Variants in ZNF124 observed in about 807,000 individuals in gnomAD.
ZNF124 encodes the protein zinc finger protein HZF-16.
Under a neutral mutation model 26.6 loss-of-function variants are expected in ZNF124, and 25 were observed. That is an observed-to-expected ratio of 0.94 (90% CI 0.68 to 1.31). ZNF124 has a LOEUF of 1.31. Among genes scored for constraint, ZNF124 ranks in the 40% most tolerant of loss-of-function variants. The probability of loss-of-function intolerance (pLI) is 0.00; values close to 1 mark genes in which losing one functional copy is unlikely to be tolerated. For synonymous variants in ZNF124, 129 were observed against 133.3 expected (o/e 0.97, Z 0.22); for missense variants, 444 against 422.2 (o/e 1.05, Z -0.45).
intron 1 of ZNF124, among the ~76,000 whole-genome samples, chr1:247,170,624 G>A (rs569809780): frequency 7.0e-5 from 10 of 143,852 alleles, no homozygotes; most frequent in East Asian, 6.0e-4. Context: ...CAAGACTCAC[G>A]TCTCCAAAAA....
Position 247,123,748 on chromosome 1 carries a change from G to A in ZNF124, c.*120C>T, listed in dbSNP as rs149705990. On this transcript the variant is annotated 3_prime_UTR_variant, in exon 4 of 4. Coordinates refer to the ZNF124 transcript ENST00000472531. ...AAGGTTTAGAGAAGCTGCTTGATTC[G>A]TGTGGCTTGCAGAGGTGCATGGGCT... The A allele has an allele frequency of 7.9e-3, 5,024 of 639,524 alleles. 31 individuals carry two copies. The highest frequency in any genetic ancestry group is 0.01 in the Non-Finnish European group (3,707 of 353,942). The allele number at this position is 639,524 out of a possible 1,614,324, so 39.6% of individuals were successfully genotyped here.
At chr1:247,145,959 A>G (rs1426916676) in intron 3 of ZNF124, among the ~76,000 whole-genome samples, 1 of 152,196 alleles carries the variant, frequency 6.6e-6, no homozygotes, top group Non-Finnish European at 1.5e-5. Flanking sequence ...ACAGCAGTAA[A>G]TCAGCTGCTG....
chr1:247,149,599 A>G (rs1572073279), intron 3 of ZNF124, among the ~76,000 whole-genome samples: 1 of 152,258 alleles, frequency 6.6e-6, no homozygotes, highest in South Asian at 2.1e-4. Flanking sequence ...GACAAATGTT[A>G]TATGATCTTA....
rs1673106511 is a variant in ZNF124, at chr1:247,155,947, G to A, written c.*619C>T. On this transcript the variant is annotated 3_prime_UTR_variant, in exon 4 of 4. Transcript: ENST00000543802. ...TTCTAGAGACTCTCTTCAAAAATGA[G>A]CAACCAATATATTCAATTTATTTAT... 1 of 940,104 alleles carries A rather than the reference G, an allele frequency of 1.1e-6. No individual in the cohort carries two copies. The highest frequency in any genetic ancestry group is 6.3e-5 in the Admixed American group (1 of 15,932). The allele number at this position is 940,104 out of a possible 1,614,324, so 58.2% of individuals were successfully genotyped here. A position where few individuals can be genotyped will look rare whatever the true frequency, so the allele number is the denominator to read the frequency against.
chr1:247,166,050 A>C (rs1673761997), intron 1 of ZNF124, among the ~76,000 whole-genome samples: 1 of 152,168 alleles, frequency 6.6e-6, no homozygotes, highest in Non-Finnish European at 1.5e-5. Flanking sequence ...CTGTTAGCAC[A>C]TGCCCATAGT....
At chr1:247,136,394 A>G (rs1427434453) in intron 3 of ZNF124, among the ~76,000 whole-genome samples, 1 of 152,170 alleles carries the variant, frequency 6.6e-6, no homozygotes, top group Non-Finnish European at 1.5e-5. Flanking sequence ...TCCCATTCAC[A>G]ATCACTACAA....
chr1:247,159,968 A>G, intron 1 of ZNF124, 155 bp from the exon 2 acceptor site: 1 of 407,294 alleles, frequency 2.5e-6, no homozygotes, highest in Non-Finnish European at 3.8e-6. Flanking sequence ...CCTTTCTCCC[A>G]CATAGCAGTT....
chr1:247,163,570 A>C (rs1468183219), intron 1 of ZNF124, among the ~76,000 whole-genome samples: 5 of 151,934 alleles, frequency 3.3e-5, no homozygotes, highest in Admixed American at 6.6e-5. Flanking sequence ...GAAACAAAAA[A>C]CCTCCCAAGA....
chr1:247,152,226 G>A (rs1672967162), downstream of ZNF124, among the ~76,000 whole-genome samples: 1 of 151,350 alleles, frequency 6.6e-6, no homozygotes, highest in Non-Finnish European at 1.5e-5. Flanking sequence ...TGCCCACAGG[G>A]CACAGGTATT....
intron 3 of ZNF124, among the ~76,000 whole-genome samples, chr1:247,144,547 C>T (rs1672712001): frequency 6.6e-6 from 1 of 151,956 alleles, no homozygotes; most frequent in Non-Finnish European, 1.5e-5. Context: ...GGCTGCGTAG[C>T]TTTATATTCC....
At chr1:247,133,958 A>G (rs191282619) in intron 3 of ZNF124, among the ~76,000 whole-genome samples, 2 of 152,124 alleles carry the variant, frequency 1.3e-5, no homozygotes, top group Non-Finnish European at 1.5e-5. Flanking sequence ...CAGCCTCAAC[A>G]TTCTTAAAGG....
At chr1:247,157,619 C>T (rs1673227314) in intron 3 of ZNF124, 1 of 594,764 alleles carries the variant, frequency 1.7e-6, no homozygotes, top group Non-Finnish European at 3.1e-6. Context: ...TCTTTTATTA[C>T]TAAGTCTGAA....
chr1:247,158,913 G>T, intron 3 of ZNF124, 93 bp downstream of exon 3: 1 of 1,185,452 alleles, frequency 8.4e-7, no homozygotes, highest in Non-Finnish European at 1.2e-6. Context: ...ACAGGTGTGA[G>T]CCACCATGCC....
intron 3 of ZNF124, among the ~76,000 whole-genome samples, chr1:247,147,290 G>A (rs1198707487): frequency 2.0e-5 from 3 of 148,572 alleles, no homozygotes; most frequent in African/African-American, 7.5e-5. Context: ...CCAGTGGCAC[G>A]ATCTCAGCCC....
At chr1:247,170,336 T>C (rs1033897249) in intron 1 of ZNF124, among the ~76,000 whole-genome samples, 1 of 150,730 alleles carries the variant, frequency 6.6e-6, no homozygotes, top group African/African-American at 2.4e-5. Flanking sequence ...TTAATAATGT[T>C]GTAAATTGGA....
chr1:247,164,492 A>G (rs1427137534), intron 1 of ZNF124, among the ~76,000 whole-genome samples: 7 of 152,170 alleles, frequency 4.6e-5, no homozygotes, highest in African/African-American at 1.7e-4. Context: ...CAGGAAGGCA[A>G]TCCCATTCAC....
At chr1:247,162,429 T>C (rs1197442879) in intron 1 of ZNF124, among the ~76,000 whole-genome samples, 6 of 151,632 alleles carry the variant, frequency 4.0e-5, no homozygotes, top group Admixed American at 6.6e-5. Flanking sequence ...ACAACACAAA[T>C]GGAAAACAGA....
chr1:247,153,262 GT>G (rs1375640837), downstream of ZNF124, among the ~76,000 whole-genome samples: 148 of 152,198 alleles, frequency 9.7e-4, no homozygotes, highest in African/African-American at 3.4e-3. Context: ...CAGTTAAAGT[GT>G]CCCTGCAATG....
intron 3 of ZNF124, among the ~76,000 whole-genome samples, chr1:247,144,119 G>C (rs755372528): frequency 2.0e-5 from 3 of 152,088 alleles, no homozygotes; most frequent in Non-Finnish European, 4.4e-5. Context: ...CCCTCACTAA[G>C]GGTGATTCAG....
Sources: gnomAD v4.1 joint callset for allele counts (sites outside exome capture counted in the v4.1 genomes callset) on GRCh38, gnomAD v4.1.1 for gene constraint, MANE v1.5 for transcripts, NCBI Gene and HGNC (gene_info 2026-07-23, HGNC 2026-07-21) for gene names.